The following ZBED3 variants were observed in gnomAD, a reference collection of about 807,000 sequenced individuals.
ZBED3 encodes zinc finger BED-type containing 3.
For synonymous variants in ZBED3, 175 were observed against 180.0 expected (o/e 0.97, Z 0.22); for missense variants, 388 against 362.9 (o/e 1.07, Z -0.56).
intron 1 of ZBED3, among the ~76,000 whole-genome samples, chr5:77,084,865 C>T (rs1339503093): frequency 1.3e-5 from 2 of 152,176 alleles, no homozygotes; most frequent in African/African-American, 4.8e-5. Context: ...TTCCAAGCTC[C>T]TATTTTAAAA....
chr5:77,081,322 TTTC>T lies in ZBED3; in HGVS notation c.-152-2597_-152-2595del, dbSNP rs1743124746. Among the ~76,000 whole-genome samples, 3 of 144,272 alleles carry T rather than the reference TTTC, an allele frequency of 2.1e-5. No homozygotes were observed. The Middle Eastern group carries it at 0.011, about 515-fold the overall frequency. The allele number at this position is 144,272 out of a possible 152,430, so 94.6% of individuals were successfully genotyped here. Reference sequence around the variant, plus strand: ...GGATTTTAGGAAAGCATTCTGGCCATTTCTTTTCTTTCTTTCTTTTTTTTTTTT... The same window carrying T: ...GGATTTTAGGAAAGCATTCTGGCCATTTTTCTTTCTTTCTTTTTTTTTTTT... On this transcript the variant is annotated intron_variant, in intron 1 of 2. Transcript: ENST00000255198.
chr5:77,082,375 G>GACATCAGAATCT (rs1385553797), intron 1 of ZBED3, among the ~76,000 whole-genome samples: 1 of 151,972 alleles, frequency 6.6e-6, no homozygotes, highest in Admixed American at 6.6e-5. Flanking sequence ...CACGTAGAAT[G>GACATCAGAATCT]ACATCAGAAT....
rs1742905014 is a variant in ZBED3 at position 77,072,465 on chromosome 5, T to C, written c.*4709A>G. On this transcript the variant is annotated 3_prime_UTR_variant, in exon 3 of 3. Transcript: ENST00000255198. Reference sequence around the variant, plus strand: ...GGAGTATTTGCCAACTCAAGGATGTTTTAAAGAATGTGCTAGGGACTCATG... The same window carrying C: ...GGAGTATTTGCCAACTCAAGGATGTCTTAAAGAATGTGCTAGGGACTCATG... 1 of 152,184 alleles carries C rather than the reference T, an allele frequency of 6.6e-6. No homozygotes were observed. The highest frequency in any genetic ancestry group is 1.5e-5 in the Non-Finnish European group (1 of 68,040). 9.4% of individuals were successfully genotyped at this position (152,184 alleles called of 1,614,324 possible). A position where few individuals can be genotyped will look rare whatever the true frequency, so the allele number is the denominator to read the frequency against.
rs1279311355 is a variant in ZBED3, at chr5:77,077,529, G to A, written c.350C>T (p.Pro117Leu). ...GGGGGCCGCAGCGGGGCCGGGCGGC[G>A]GCGGGCAGGGCGCGGCAGGTGGGGA... ...GSSPPAAPCP[P>L]PPGPAAAPEG... Residue 117 changes from proline to leucine, a missense_variant, in exon 3 of 3, where the codon CCG (proline) becomes CTG (leucine). By Grantham distance (98) the Pro-to-Leu change is moderately conservative. Transcript: ENST00000255198. 5 of 1,209,932 alleles carry A rather than the reference G, an allele frequency of 4.1e-6. No individual in the cohort carries two copies. Among genetic ancestry groups the A allele is most frequent in the South Asian group, 4.0e-5 (1 of 25,256 alleles). The allele number at this position is 1,209,932 out of a possible 1,614,324, so 74.9% of individuals were successfully genotyped here. A position where few individuals can be genotyped will look rare whatever the true frequency, so the allele number is the denominator to read the frequency against.
chr5:77,079,109 A>G (rs1342508644), intron 1 of ZBED3: 1 of 152,266 alleles, frequency 6.6e-6, no homozygotes, highest in African/African-American at 2.4e-5. Flanking sequence ...AAAAGGGAAT[A>G]CAGAAAAAGG....
chr5:77,077,120 G>T lies in ZBED3; in HGVS notation c.*54C>A. The T allele has an allele frequency of 7.9e-7, 1 of 1,271,452 alleles. No individual in the cohort carries two copies. Among genetic ancestry groups the T allele is most frequent in the Non-Finnish European group, 1.0e-6 (1 of 992,700 alleles). 78.8% of individuals were successfully genotyped at this position (1,271,452 alleles called of 1,614,324 possible). A position where few individuals can be genotyped will look rare whatever the true frequency, so the allele number is the denominator to read the frequency against. On this transcript the variant is annotated 3_prime_UTR_variant, in exon 3 of 3. Transcript: ENST00000255198. ...GCTTCGGTCCCAGCGGGGTCTGAAG[G>T]CATTGGCATTGGACGGAGAAGCGCT...
chr5:77,077,424 C>A lies in ZBED3; in HGVS notation c.455G>T (p.Arg152Leu), dbSNP rs1444877126. The A allele has an allele frequency of 2.4e-6, 3 of 1,227,464 alleles. No homozygotes were observed. The highest frequency in any genetic ancestry group is 3.1e-6 in the Non-Finnish European group (3 of 982,878). 76.0% of individuals were successfully genotyped at this position (1,227,464 alleles called of 1,614,324 possible). Residue 152 changes from arginine to leucine, a missense_variant, in exon 3 of 3, where the codon CGG (arginine) becomes CTG (leucine). Physicochemically the swap from Arg to Leu is moderately radical, Grantham distance 102. Coordinates refer to ENST00000255198, the MANE Select transcript of ZBED3 (RefSeq NM_032367.4). Reference sequence around the variant, plus strand: ...GCCCTGCTCCACGGCCAGCTCGCGCCGCTCCAGCTCCCGCTCCCGCCGGCT... The same window carrying A: ...GCCCTGCTCCACGGCCAGCTCGCGCAGCTCCAGCTCCCGCTCCCGCCGGCT... The part of the protein sequence containing the change: ...RGSRRERELE[R>L]RELAVEQGER...
chr5:77,073,110 T>TAAGGTGAAACCCCG lies in ZBED3; in HGVS notation c.*4063_*4064insCGGGGTTTCACCTT, dbSNP rs1554047849. ...CAAAATTTTTTTATCATAAAAGTAA[T>TAAGGTGAAACCCCG]TCATACTTTGTGTAAAAAATTACAA... On this transcript the variant is annotated 3_prime_UTR_variant, in exon 3 of 3. Transcript: ENST00000255198. 6.6e-6 allele frequency: 1 copy of TAAGGTGAAACCCCG among 151,954 alleles called. No individual in the cohort carries two copies. Among genetic ancestry groups the TAAGGTGAAACCCCG allele is most frequent in the African/African-American group, 2.4e-5 (1 of 41,240 alleles). The allele number at this position is 151,954 out of a possible 1,614,324, so 9.4% of individuals were successfully genotyped here.
chr5:77,074,428 CTT>C lies in ZBED3; in HGVS notation c.*2744_*2745del, dbSNP rs1561295844. Reference sequence around the variant, plus strand: ...CAGTGCAATGTTTTGTAGAAATAGACTTAGCAGAGCAGGCGCCCAGCATTCAG... The same window carrying C: ...CAGTGCAATGTTTTGTAGAAATAGACAGCAGAGCAGGCGCCCAGCATTCAG... On this transcript the variant is annotated 3_prime_UTR_variant, in exon 3 of 3. Transcript: ENST00000255198. 1 of 152,248 alleles carries C rather than the reference CTT, an allele frequency of 6.6e-6. No homozygotes were observed. Among genetic ancestry groups the C allele is most frequent in the African/African-American group, 2.4e-5 (1 of 41,440 alleles). The allele number at this position is 152,248 out of a possible 1,614,324, so 9.4% of individuals were successfully genotyped here. A position where few individuals can be genotyped will look rare whatever the true frequency, so the allele number is the denominator to read the frequency against.
rs193270241 is a variant in ZBED3, at chr5:77,083,032, G to A, written c.-153+4079C>T. 9.8e-5 allele frequency among the ~76,000 whole-genome samples: 15 copies of A among 152,304 alleles called. No individual in the cohort carries two copies. The East Asian group carries it at 2.9e-3, about 29-fold the overall frequency. On this transcript the variant is annotated intron_variant, in intron 1 of 2. Transcript: ENST00000255198. ...GGTGCCTGTAGTCCCAGCTACTCGGGAGGCTGAGGCAGGAGAATCGCTTGA... is the reference window on the plus strand; with the variant it reads ...GGTGCCTGTAGTCCCAGCTACTCGGAAGGCTGAGGCAGGAGAATCGCTTGA...
Position 77,077,359 on chromosome 5 carries a change from C to G in ZBED3, c.520G>C (p.Glu174Gln). 1.6e-6 allele frequency: 2 copies of G among 1,252,432 alleles called. No homozygotes were observed. Among genetic ancestry groups the G allele is most frequent in the South Asian group, 5.9e-5 (2 of 33,818 alleles). 77.6% of individuals were successfully genotyped at this position (1,252,432 alleles called of 1,614,324 possible). The change falls in exon 3 of 3, where the codon GAA (glutamate) becomes CAA (glutamine). Residue 174 changes from glutamate to glutamine, a missense_variant. Physicochemically the swap from Glu to Gln is conservative, Grantham distance 29. Transcript: ENST00000255198. ...CGCGCCTGGGCCGCGGCGCGCTCTT[C>G]CTCCTGCAGCGCCCTCCGCCTCCGC... is the stretch of plus-strand genomic sequence containing the variant. ...LERRRRALQEEERAAAQARRE... is the reference protein window; with the variant it reads ...LERRRRALQEQERAAAQARRE...
At chr5:77,083,924 A>G (rs1743180846) in intron 1 of ZBED3, among the ~76,000 whole-genome samples, 1 of 152,186 alleles carries the variant, frequency 6.6e-6, no homozygotes, top group African/African-American at 2.4e-5. Context: ...TTCCTTACCA[A>G]ATACCCAATG....
In ZBED3 at chr5:77,077,510, C is replaced by G; in HGVS notation, c.369G>C (p.Ala123=). 3 of 1,195,738 alleles carry G rather than the reference C, an allele frequency of 2.5e-6. No individual in the cohort carries two copies. Among genetic ancestry groups the G allele is most frequent in the East Asian group, 3.6e-5 (1 of 27,464 alleles). The allele number at this position is 1,195,738 out of a possible 1,614,324, so 74.1% of individuals were successfully genotyped here. The change falls in exon 3 of 3, where the codon GCG becomes GCC. Residue 123 remains alanine (A), a synonymous_variant. Transcript: ENST00000255198. ...APCPPPPGPA[A]APEGDWARLL... is the part of the protein sequence containing the mutation. ...GGCGCGCCCAGTCGCCCTCGGGGGC[C>G]GCAGCGGGGCCGGGCGGCGGCGGGC...
In ZBED3 at chr5:77,077,608, T is replaced by G. The variant is rs1487045151; in HGVS notation, c.271A>C (p.Arg91=). Residue 91 remains arginine (R), a synonymous_variant, in exon 3 of 3, where the codon AGG becomes CGG. Coordinates refer to ENST00000255198, the MANE Select transcript of ZBED3 (RefSeq NM_032367.4). The stretch of plus-strand genomic sequence containing the variant: ...CGCCGGTGCGCGCTCCTCAGGTGCC[T>G]CCACAACGCCGAGGTCCCCGCGTGG... ...GFHAGTSALW[R]HLRSAHRREL... 7.1e-7 allele frequency: 1 copy of G among 1,402,558 alleles called. No homozygotes were observed. Among genetic ancestry groups the G allele is most frequent in the Admixed American group, 2.7e-5 (1 of 37,198 alleles). 86.9% of individuals were successfully genotyped at this position (1,402,558 alleles called of 1,614,324 possible).
At chr5:77,083,779 G>A (rs1322246008) in intron 1 of ZBED3, among the ~76,000 whole-genome samples, 1 of 152,122 alleles carries the variant, frequency 6.6e-6, no homozygotes, top group Non-Finnish European at 1.5e-5. Context: ...AAGAGTAACA[G>A]ATCCAAGACC....
chr5:77,077,741 G>A lies in ZBED3; in HGVS notation c.138C>T (p.Ser46=). The A allele has an allele frequency of 1.5e-6, 2 of 1,334,886 alleles. No individual in the cohort carries two copies. Among genetic ancestry groups the A allele is most frequent in the Non-Finnish European group, 1.9e-6 (2 of 1,045,874 alleles). 82.7% of individuals were successfully genotyped at this position (1,334,886 alleles called of 1,614,324 possible). The change falls in exon 3 of 3, where the codon TCC becomes TCT. Residue 46 remains serine (S), a synonymous_variant. Transcript: ENST00000255198. ...CCAGGTGGAAGTAGCCCCAGGCCTC[G>A]GAGTATGGCGCCCCCAGGCGGCCGG... ...TPPGRLGAPY[S]EAWGYFHLAP... is the part of the protein sequence containing the mutation.
Position 77,077,754 on chromosome 5 carries a change from C to T in ZBED3, c.125G>A (p.Gly42Glu). The T allele has an allele frequency of 7.6e-7, 1 of 1,321,486 alleles. No homozygotes were observed. Among genetic ancestry groups the T allele is most frequent in the South Asian group, 2.0e-5 (1 of 49,122 alleles). 81.9% of individuals were successfully genotyped at this position (1,321,486 alleles called of 1,614,324 possible). Reference protein sequence around the residue: ...APTPTPPGRLGAPYSEAWGYF... With the variant: ...APTPTPPGRLEAPYSEAWGYF... ...GCCCCAGGCCTCGGAGTATGGCGCC[C>T]CCAGGCGGCCGGGAGGCGTCGGCGT... The change falls in exon 3 of 3, where the codon GGG (glycine) becomes GAG (glutamate). Residue 42 changes from glycine (G) to glutamate (E), a missense_variant. Gly to Glu is a moderately conservative substitution (Grantham distance 98, BLOSUM62 -2). Coordinates refer to ENST00000255198, the MANE Select transcript of ZBED3 (RefSeq NM_032367.4).
At chr5:77,078,168 G>A (rs1743064487) in intron 2 of ZBED3, among the ~76,000 whole-genome samples, 1 of 152,210 alleles carries the variant, frequency 6.6e-6, no homozygotes, top group South Asian at 2.1e-4. Flanking sequence ...TTCTAATAGC[G>A]GGAGGCTAAG....
intron 1 of ZBED3, chr5:77,086,582 A>C (rs1335583213): frequency 6.7e-6 from 1 of 148,512 alleles, no homozygotes; most frequent in African/African-American, 2.5e-5. Flanking sequence ...GCAAGAAATC[A>C]CAGAAACTGC....
Sources: gnomAD v4.1 joint callset for allele counts (sites outside exome capture counted in the v4.1 genomes callset) on GRCh38, gnomAD v4.1.1 for gene constraint, MANE v1.5 for transcripts, NCBI Gene and HGNC (gene_info 2026-07-23, HGNC 2026-07-21) for gene names.